The following ADGRG5 variants were observed in gnomAD, a reference collection of about 807,000 sequenced individuals.
ADGRG5 encodes the protein G protein-coupled receptor 114.
A neutral mutation model predicts 53.2 loss-of-function variants in ADGRG5; 37 were observed. The observed-to-expected ratio is 0.70, with a 90% confidence interval of 0.53 to 0.91. The LOEUF is 0.91. Among genes scored for constraint, ADGRG5 ranks in the 40% least tolerant of loss-of-function variants. The pLI is 0.00. For synonymous variants in ADGRG5, 277 were observed against 290.4 expected (o/e 0.95, Z 0.47); for missense variants, 614 against 675.8 (o/e 0.91, Z 1.01).
At chr16:57,531,710 C>G in the ADGRG5 span, among the ~76,000 whole-genome samples, 1 of 152,212 alleles carries the variant, frequency 6.6e-6, no homozygotes, top group Non-Finnish European at 1.5e-5. Context: ...CACCACTGCA[C>G]TGCCCACCCC....
chr16:57,532,177 C>T, the ADGRG5 span, among the ~76,000 whole-genome samples: 1 of 152,196 alleles, frequency 6.6e-6, no homozygotes, highest in Non-Finnish European at 1.5e-5. Context: ...ACACTTGGCC[C>T]TATACCCGAG....
chr16:57,554,487 C>T (rs2146773934), intron 1 of ADGRG5, among the ~76,000 whole-genome samples: 1 of 152,128 alleles, frequency 6.6e-6, no homozygotes, highest in South Asian at 2.1e-4. Context: ...CGCCATTCTC[C>T]TGCTTCAGCC....
intron 1 of ADGRG5, among the ~76,000 whole-genome samples, chr16:57,543,573 G>C (rs1053177981): frequency 2.0e-5 from 3 of 152,248 alleles, no homozygotes; most frequent in South Asian, 2.1e-4. Flanking sequence ...GTGAGCCACC[G>C]TTCCTGGCCT....
At chr16:57,559,113 G>A (rs1406103179) in intron 1 of ADGRG5, among the ~76,000 whole-genome samples, 1 of 151,906 alleles carries the variant, frequency 6.6e-6, no homozygotes, top group Non-Finnish European at 1.5e-5. Context: ...GCCACCCAAA[G>A]TGTTGGGATT....
At chr16:57,529,851 C>A in the ADGRG5 span, among the ~76,000 whole-genome samples, 1 of 152,202 alleles carries the variant, frequency 6.6e-6, no homozygotes, top group Non-Finnish European at 1.5e-5. This position sits in a 1 kb window ranked among gnomAD's most constrained non-coding sequence, Gnocchi z 4.1. Flanking sequence ...TTAACCAAGG[C>A]TGTGAGTTTG....
the ADGRG5 span, among the ~76,000 whole-genome samples, chr16:57,537,145 A>G: frequency 2.0e-5 from 3 of 152,114 alleles, no homozygotes; most frequent in African/African-American, 7.2e-5. Context: ...CTGCATTGCG[A>G]TGGTGGTTGG....
chr16:57,564,117 C>A (rs2033072871), intron 5 of ADGRG5, 138 bp downstream of exon 5: 1 of 929,806 alleles, frequency 1.1e-6, no homozygotes, highest in Non-Finnish European at 1.6e-6. Context: ...TCCAAGCCAG[C>A]AATTGTCCCT....
intron 1 of ADGRG5, among the ~76,000 whole-genome samples, chr16:57,559,495 T>C (rs1295672586): frequency 6.6e-6 from 1 of 152,220 alleles, no homozygotes; most frequent in Non-Finnish European, 1.5e-5. Flanking sequence ...AGGAAGAAAC[T>C]GAGGGTACAG....
intron 1 of ADGRG5, among the ~76,000 whole-genome samples, chr16:57,560,832 T>C (rs1418140184): frequency 6.6e-6 from 1 of 152,222 alleles, no homozygotes; most frequent in Non-Finnish European, 1.5e-5. Context: ...TTGCCCAGGC[T>C]GGAGTGCAGT....
At chr16:57,554,568 G>A (rs1261058053) in intron 1 of ADGRG5, among the ~76,000 whole-genome samples, 3 of 151,904 alleles carry the variant, frequency 2.0e-5, no homozygotes, top group South Asian at 2.1e-4. Context: ...AGTAGAGATG[G>A]GGTTTCACCG....
the ADGRG5 span, chr16:57,536,638 C>G: frequency 6.6e-6 from 1 of 152,146 alleles, no homozygotes; most frequent in African/African-American, 2.4e-5. Flanking sequence ...GGAGGGGAAG[C>G]AGGGGGAGCG....
In ADGRG5 at chr16:57,570,432, C is replaced by G; in HGVS notation, c.1105C>G (p.Leu369Val). The G allele has an allele frequency of 6.2e-7, 1 of 1,612,694 alleles. No individual in the cohort carries two copies. The highest frequency in any genetic ancestry group is 8.5e-7 in the Non-Finnish European group (1 of 1,179,846). Reference protein sequence around the residue: ...GVLGWGAPALLVLLSLSVKSS... With the variant: ...GVLGWGAPALVVLLSLSVKSS... ...CCACCCCTCAGGGGCCCCAGCCCTC[C>G]TGGTGCTGCTTTCCCTCTCTGTCAA... Residue 369 changes from leucine (L) to valine (V), a missense_variant, in exon 10 of 12, where the codon CTG (leucine) becomes GTG (valine). Coordinates refer to ENST00000349457, the MANE Select transcript of ADGRG5 (RefSeq NM_001304376.3).
intron 1 of ADGRG5, among the ~76,000 whole-genome samples, chr16:57,552,593 C>T (rs557290636): frequency 6.6e-6 from 1 of 152,270 alleles, no homozygotes; most frequent in South Asian, 2.1e-4. Flanking sequence ...TAGGCTTTGG[C>T]TTAAGGGAAC....
At chr16:57,556,398 T>C (rs1348099946) in intron 1 of ADGRG5, among the ~76,000 whole-genome samples, 3 of 152,250 alleles carry the variant, frequency 2.0e-5, no homozygotes, top group Non-Finnish European at 4.4e-5. Flanking sequence ...CTTCTTGTCC[T>C]GTCTTATTTT....
intron 1 of ADGRG5, among the ~76,000 whole-genome samples, chr16:57,552,339 C>T (rs1222207562): frequency 6.6e-6 from 1 of 152,178 alleles, no homozygotes; most frequent in Non-Finnish European, 1.5e-5. Flanking sequence ...CAATATGAGG[C>T]TCTTTCATCT....
In ADGRG5 at chr16:57,576,683, A is replaced by T. The variant is rs2033525434; in HGVS notation, c.*1145A>T. The T allele has an allele frequency of 6.6e-6, 1 of 152,158 alleles. No homozygotes were observed. The highest frequency in any genetic ancestry group is 2.4e-5 in the African/African-American group (1 of 41,440). The allele number at this position is 152,158 out of a possible 1,614,324, so 9.4% of individuals were successfully genotyped here. A position where few individuals can be genotyped will look rare whatever the true frequency, so the allele number is the denominator to read the frequency against. On this transcript the variant is annotated 3_prime_UTR_variant, in exon 12 of 12. Coordinates refer to ENST00000349457, the MANE Select transcript of ADGRG5 (RefSeq NM_001304376.3). Reference sequence around the variant, plus strand: ...CGTAACTGCAGGACTGCGCCTACTGAGTGACCCATTTCCTCCAGGAGGAAA... The same window carrying T: ...CGTAACTGCAGGACTGCGCCTACTGTGTGACCCATTTCCTCCAGGAGGAAA...
At chr16:57,561,366 C>T (rs1240127465) in intron 1 of ADGRG5, among the ~76,000 whole-genome samples, 1 of 152,180 alleles carries the variant, frequency 6.6e-6, no homozygotes, top group Non-Finnish European at 1.5e-5. Context: ...AGCTTTACCT[C>T]TCCCATGGTA....
rs549605255 is a variant in ADGRG5 at position 57,561,950 on chromosome 16, G to T, written c.-38-106G>T. On this transcript the variant is annotated intron_variant, in intron 1 of 11. Coordinates refer to ENST00000349457, the MANE Select transcript of ADGRG5 (RefSeq NM_001304376.3). ...TCCTCATCTGTGAAATGCAGGAGTGGTGAGTCAAATAAGATGCTGCATGTC... is the reference window on the plus strand; with the variant it reads ...TCCTCATCTGTGAAATGCAGGAGTGTTGAGTCAAATAAGATGCTGCATGTC... The T allele has an allele frequency of 3.1e-5, 17 of 551,238 alleles. 1 individual carries two copies. In the South Asian group the frequency reaches 5.7e-4, roughly 18 times the overall value. The allele number at this position is 551,238 out of a possible 1,614,324, so 34.1% of individuals were successfully genotyped here.
chr16:57,556,291 T>C (rs1346345419), intron 1 of ADGRG5, among the ~76,000 whole-genome samples: 1 of 152,240 alleles, frequency 6.6e-6, no homozygotes, highest in Non-Finnish European at 1.5e-5. Flanking sequence ...TTGGAGCATT[T>C]GGACTATGCT....
Sources: allele counts gnomAD v4.1 joint callset (sites outside exome capture counted in the v4.1 genomes callset), GRCh38; gene constraint gnomAD v4.1.1; non-coding constraint Gnocchi (gnomAD v3.1); transcripts MANE v1.5; gene names NCBI Gene and HGNC (gene_info 2026-07-23, HGNC 2026-07-21).